Variants in LRRTM4 observed in about 807,000 individuals in gnomAD.
LRRTM4 encodes the protein leucine rich repeat transmembrane neuronal 4.
In LRRTM4, 25 loss-of-function variants were observed where a neutral mutation model predicts 47.6. That is an observed-to-expected ratio of 0.53 (90% confidence interval 0.38 to 0.73). The LOEUF (loss-of-function observed/expected upper bound fraction) is 0.73. Among genes scored for constraint, LRRTM4 ranks in the 30% least tolerant of loss-of-function variants. The pLI is 0.00. For missense variants in LRRTM4, 638 were observed against 713.4 expected, an observed-to-expected ratio of 0.89 and a Z score of 1.20; for synonymous variants, 311 against 269.5, an observed-to-expected ratio of 1.15 and a Z score of -1.51.
intron 3 of LRRTM4, among the ~76,000 whole-genome samples, chr2:77,011,846 T>C (rs1469418995): frequency 1.3e-5 from 2 of 152,038 alleles, no homozygotes; most frequent in African/African-American, 4.8e-5. Flanking sequence ...GTCCAAGAGA[T>C]TGTGTAAATT....
intron 3 of LRRTM4, among the ~76,000 whole-genome samples, chr2:77,435,118 T>C (rs1351011251): frequency 6.6e-6 from 1 of 151,956 alleles, no homozygotes; most frequent in African/African-American, 2.4e-5. Context: ...CAAGTTGTGA[T>C]GACAACAAAA....
chr2:76,941,578 T>A (rs1675144112), intron 3 of LRRTM4, among the ~76,000 whole-genome samples: 1 of 152,060 alleles, frequency 6.6e-6, no homozygotes, highest in Non-Finnish European at 1.5e-5. Flanking sequence ...GGTTTTTTGT[T>A]CCTGTTTTAG....
At chr2:76,902,943 T>C (rs997667746) in intron 3 of LRRTM4, among the ~76,000 whole-genome samples, 44 of 152,340 alleles carry the variant, frequency 2.9e-4, no homozygotes, top group African/African-American at 1.0e-3. Flanking sequence ...CTGAGTAACT[T>C]TTTATATAAT....
At chr2:76,776,205 C>G (rs1673982625) in intron 3 of LRRTM4, among the ~76,000 whole-genome samples, 1 of 152,146 alleles carries the variant, frequency 6.6e-6, no homozygotes, top group Non-Finnish European at 1.5e-5. Context: ...GTGAATAATG[C>G]CGCAATAAAC....
At chr2:77,192,307 T>G (rs1015267158) in intron 3 of LRRTM4, among the ~76,000 whole-genome samples, 1 of 152,106 alleles carries the variant, frequency 6.6e-6, no homozygotes, top group Non-Finnish European at 1.5e-5. Flanking sequence ...GAATGTTAAC[T>G]TAGGCAAACT....
intron 3 of LRRTM4, among the ~76,000 whole-genome samples, chr2:77,458,566 C>T (rs151337911): frequency 1.3e-4 from 20 of 151,744 alleles, no homozygotes; most frequent in Middle Eastern, 3.4e-3. Context: ...AATCCATTTG[C>T]ACTTTCCATC....
chr2:76,974,207 T>TAC (rs1390127604), intron 3 of LRRTM4, among the ~76,000 whole-genome samples: 985 of 82,952 alleles, frequency 0.012, 11 homozygotes, highest in Non-Finnish European at 0.015. Context: ...CATATATATA[T>TAC]ATACACATAT....
rs191492294 is a variant in LRRTM4 at position 77,452,616 on chromosome 2, A to T, written c.1551+65702T>A. 1.1e-4 allele frequency among the ~76,000 whole-genome samples: 17 copies of T among 152,302 alleles called. No homozygotes were observed. The East Asian group carries it at 2.3e-3, about 21-fold the overall frequency. ...GACACAGGGTCCTGACTGCAGAAGG[A>T]TCCCGCACTTGGTTTATTGCTCTGC... On this transcript the variant is annotated intron_variant, in intron 3 of 3. Coordinates refer to ENST00000409884, the MANE Select transcript of LRRTM4 (RefSeq NM_001134745.3).
chr2:77,226,904 T>G (rs1186111026), intron 3 of LRRTM4, among the ~76,000 whole-genome samples: 2 of 152,030 alleles, frequency 1.3e-5, no homozygotes, highest in East Asian at 3.9e-4. Flanking sequence ...CTCTAAGATC[T>G]GAACTGAGTC....
intron 3 of LRRTM4, among the ~76,000 whole-genome samples, chr2:77,447,729 C>A (rs181929308): frequency 1.3e-5 from 2 of 152,066 alleles, no homozygotes; most frequent in Non-Finnish European, 2.9e-5. Context: ...AGACCCCTAA[C>A]TCTGTTTCCC....
intron 3 of LRRTM4, among the ~76,000 whole-genome samples, chr2:77,411,546 G>A (rs1262007993): frequency 4.9e-5 from 7 of 143,066 alleles, no homozygotes; most frequent in African/African-American, 1.8e-4. Context: ...TCCGCCTCCC[G>A]GGTTCACGCC....
At chr2:76,978,974 A>T (rs1676507888) in intron 3 of LRRTM4, among the ~76,000 whole-genome samples, 1 of 152,012 alleles carries the variant, frequency 6.6e-6, no homozygotes, top group Non-Finnish European at 1.5e-5. Context: ...AGTCCCTGAA[A>T]TTCTCACATC....
intron 3 of LRRTM4, among the ~76,000 whole-genome samples, chr2:77,208,611 C>T (rs1478647874): frequency 6.6e-6 from 1 of 151,858 alleles, no homozygotes; most frequent in African/African-American, 2.4e-5. Flanking sequence ...TGAAGTCACA[C>T]ATATATATGA....
intron 3 of LRRTM4, among the ~76,000 whole-genome samples, chr2:76,851,928 G>A (rs1021794996): frequency 1.3e-5 from 2 of 151,976 alleles, no homozygotes; most frequent in East Asian, 3.9e-4. Context: ...GAGCAAATGG[G>A]AAGAAGGAAA....
chr2:77,034,583 G>T (rs1678772970), intron 3 of LRRTM4, among the ~76,000 whole-genome samples: 2 of 151,866 alleles, frequency 1.3e-5, no homozygotes, highest in African/African-American at 2.4e-5. Flanking sequence ...TCTGGAGTTT[G>T]TTGATTTCAT....
At chr2:77,303,602 T>C (rs1343676954) in intron 3 of LRRTM4, among the ~76,000 whole-genome samples, 1 of 152,180 alleles carries the variant, frequency 6.6e-6, no homozygotes, top group Non-Finnish European at 1.5e-5. Flanking sequence ...TCTGATCACA[T>C]GGTATACATT....
chr2:76,903,993 C>T (rs1276233405), intron 3 of LRRTM4, among the ~76,000 whole-genome samples: 2 of 152,142 alleles, frequency 1.3e-5, no homozygotes, highest in Non-Finnish European at 2.9e-5. Context: ...TGTAGGAATC[C>T]AATTTAGTGA....
chr2:76,832,080 A>C (rs1193339226), intron 3 of LRRTM4, among the ~76,000 whole-genome samples: 1 of 152,118 alleles, frequency 6.6e-6, no homozygotes, highest in Non-Finnish European at 1.5e-5. Flanking sequence ...AAAGTAATTT[A>C]ATGTAGGCTC....
intron 3 of LRRTM4, among the ~76,000 whole-genome samples, chr2:77,193,825 CTT>C (rs1673742090): frequency 6.6e-6 from 1 of 152,144 alleles, no homozygotes; most frequent in Admixed American, 6.5e-5. Flanking sequence ...CTGCTGCACA[CTT>C]TTAGGACACA....
Sources: allele counts gnomAD v4.1 joint callset (sites outside exome capture counted in the v4.1 genomes callset), GRCh38; gene constraint gnomAD v4.1.1; transcripts MANE v1.5; gene names NCBI Gene and HGNC (gene_info 2026-07-23, HGNC 2026-07-21).